MACROD2: variants seen among roughly 807,000 people sequenced by gnomAD.
The protein encoded by MACROD2 is mono-ADP ribosylhydrolase 2.
MACROD2 carries 36 observed loss-of-function variants against 70.4 expected under a neutral mutation model. That is an observed-to-expected ratio of 0.51 (90% CI 0.39 to 0.68). The LOEUF (loss-of-function observed/expected upper bound fraction) is 0.68. MACROD2 is among the 30% of genes least tolerant of loss of function. The probability of loss-of-function intolerance (pLI) is 0.00; values close to 1 mark genes in which losing one functional copy is unlikely to be tolerated. For missense variants in MACROD2, 496 were observed against 538.4 expected (o/e 0.92, Z 0.78); for synonymous variants, 172 against 178.8 (o/e 0.96, Z 0.30).
chr20:15,066,301 T>C (rs1222728738), intron 5 of MACROD2, among the ~76,000 whole-genome samples: 1 of 151,404 alleles, frequency 6.6e-6, no homozygotes, highest in Non-Finnish European at 1.5e-5. Flanking sequence ...CTGGCTAATT[T>C]TTTTGTATTT....
chr20:14,709,986 G>C (rs2071318318), intron 5 of MACROD2, among the ~76,000 whole-genome samples: 1 of 152,082 alleles, frequency 6.6e-6, no homozygotes, highest in East Asian at 1.9e-4. Context: ...TTGATCAACT[G>C]TATTTATTTT....
intron 8 of MACROD2, among the ~76,000 whole-genome samples, chr20:15,803,447 T>G (rs2063743329): frequency 6.6e-6 from 1 of 152,058 alleles, no homozygotes; most frequent in Non-Finnish European, 1.5e-5. Context: ...AAATAAAAAG[T>G]GCCTGATGAT....
intron 12 of MACROD2, among the ~76,000 whole-genome samples, chr20:15,944,174 G>A (rs1270867261): frequency 6.6e-6 from 1 of 152,100 alleles, no homozygotes; most frequent in Non-Finnish European, 1.5e-5. Flanking sequence ...TCTATGATCA[G>A]TTCCTCAGGA....
chr20:15,880,301 T>C (rs6131735), intron 9 of MACROD2, among the ~76,000 whole-genome samples: 1 of 152,002 alleles, frequency 6.6e-6, no homozygotes, highest in Non-Finnish European at 1.5e-5. Context: ...TAGTTTTATT[T>C]CCTTAAAAAC....
intron 6 of MACROD2, among the ~76,000 whole-genome samples, chr20:15,283,291 G>C (rs1291985445): frequency 6.6e-6 from 1 of 152,170 alleles, no homozygotes; most frequent in Admixed American, 6.5e-5. Flanking sequence ...TTGTGACAAA[G>C]AATGAGTTTG....
chr20:14,377,506 C>T (rs1367746472), intron 3 of MACROD2, among the ~76,000 whole-genome samples: 2 of 151,970 alleles, frequency 1.3e-5, no homozygotes, highest in Non-Finnish European at 2.9e-5. Flanking sequence ...TTTTCCTTAG[C>T]TTTTTGCAAC....
chr20:14,937,055 T>C (rs1027580722), intron 5 of MACROD2, among the ~76,000 whole-genome samples: 12 of 152,058 alleles, frequency 7.9e-5, no homozygotes, highest in African/African-American at 2.9e-4. Context: ...TTGGAAACAA[T>C]GTGGAATGGA....
intron 5 of MACROD2, among the ~76,000 whole-genome samples, chr20:15,080,440 T>C (rs2075694810): frequency 6.6e-6 from 1 of 152,180 alleles, no homozygotes; most frequent in African/African-American, 2.4e-5. Flanking sequence ...CCGAAACACC[T>C]TGTTCCTTTG....
chr20:14,983,260 A>G (rs2122845342), intron 5 of MACROD2, among the ~76,000 whole-genome samples: 1 of 152,274 alleles, frequency 6.6e-6, no homozygotes, highest in Middle Eastern at 3.4e-3. Context: ...ACAGGCTCAT[A>G]GGCAGAAGGG....
At chr20:15,694,498 G>A (rs1029270764) in intron 8 of MACROD2, among the ~76,000 whole-genome samples, 13 of 152,070 alleles carry the variant, frequency 8.5e-5, no homozygotes, top group East Asian at 7.7e-4. Context: ...ATATTTGTTG[G>A]CCATTTGTAT....
chr20:14,018,565 C>G (rs902499126), intron 2 of MACROD2, among the ~76,000 whole-genome samples: 1 of 152,062 alleles, frequency 6.6e-6, no homozygotes, highest in Non-Finnish European at 1.5e-5. Context: ...TGATTTTTAT[C>G]TCTTAAGTTA....
chr20:15,273,430 A>G (rs753731684), intron 6 of MACROD2, among the ~76,000 whole-genome samples: 4 of 151,854 alleles, frequency 2.6e-5, no homozygotes, highest in Non-Finnish European at 5.9e-5. Flanking sequence ...ATATATATAT[A>G]TATATGAAGG....
chr20:14,267,526 C>T (rs1448163448), intron 3 of MACROD2, among the ~76,000 whole-genome samples: 1 of 152,008 alleles, frequency 6.6e-6, no homozygotes, highest in Non-Finnish European at 1.5e-5. Context: ...TCTAGATATT[C>T]TCTATTTTAA....
chr20:15,227,666 T>C (rs970983718), intron 5 of MACROD2, among the ~76,000 whole-genome samples: 3 of 152,142 alleles, frequency 2.0e-5, no homozygotes, highest in Non-Finnish European at 2.9e-5. Context: ...AATCTAGTCC[T>C]ATAAGGTGTT....
At chr20:15,475,026 A>G (rs771479688) in intron 7 of MACROD2, among the ~76,000 whole-genome samples, 15 of 145,014 alleles carry the variant, frequency 1.0e-4, no homozygotes, top group Non-Finnish European at 2.2e-4. Flanking sequence ...AAAAAAAAAT[A>G]AATAACAATA....
At chr20:15,015,604 A>G (rs1483099289) in intron 5 of MACROD2, among the ~76,000 whole-genome samples, 1 of 152,174 alleles carries the variant, frequency 6.6e-6, no homozygotes, top group Non-Finnish European at 1.5e-5. Flanking sequence ...TTAGTGACAA[A>G]TTTAATCTTC....
intron 7 of MACROD2, among the ~76,000 whole-genome samples, chr20:15,466,512 C>T (rs983333314): frequency 1.3e-5 from 2 of 152,152 alleles, no homozygotes; most frequent in Non-Finnish European, 2.9e-5. Context: ...ACAAAATGCC[C>T]GGAATTGTTA....
intron 5 of MACROD2, among the ~76,000 whole-genome samples, chr20:14,760,042 T>C (rs2071993817): frequency 6.6e-6 from 1 of 152,022 alleles, no homozygotes; most frequent in Non-Finnish European, 1.5e-5. Flanking sequence ...TACCTGGGCA[T>C]TGGACATGGG....
intron 8 of MACROD2, among the ~76,000 whole-genome samples, chr20:15,662,578 C>G (rs1291266828): frequency 2.0e-5 from 3 of 151,904 alleles, no homozygotes; most frequent in Non-Finnish European, 4.4e-5. Flanking sequence ...TTCTTCTGCT[C>G]TGTTCTTATA....
Sources: gnomAD v4.1 joint callset for allele counts (sites outside exome capture counted in the v4.1 genomes callset) on GRCh38, gnomAD v4.1.1 for gene constraint, MANE v1.5 for transcripts, NCBI Gene and HGNC (gene_info 2026-07-23, HGNC 2026-07-21) for gene names.